The following ST14 variants were observed in gnomAD, a reference collection of about 807,000 sequenced individuals.
The protein encoded by ST14 is ST14 transmembrane serine protease matriptase.
ST14 carries 40 observed loss-of-function variants against 96.5 expected under a neutral mutation model. The ratio of observed to expected loss-of-function variants is 0.41; its 90% CI spans 0.32 to 0.54. ST14 has a LOEUF of 0.54. ST14 is among the 20% of genes least tolerant of loss of function. The probability of loss-of-function intolerance (pLI) is 0.17; values close to 1 mark genes in which losing one functional copy is unlikely to be tolerated. For synonymous variants in ST14, 506 were observed against 492.1 expected (o/e 1.03, Z -0.37); for missense variants, 1,066 against 1,188.9 (o/e 0.90, Z 1.52).
rs1953286447 is a variant in ST14 at position 130,190,565 on chromosome 11, G to A, written c.746G>A (p.Arg249Gln). The change falls in exon 7 of 19, where the codon CGG (arginine) becomes CAG (glutamine). Residue 249 changes from arginine to glutamine, a missense_variant. By Grantham distance (43) the Arg-to-Gln change is conservative. Coordinates refer to ENST00000278742, the MANE Select transcript of ST14 (RefSeq NM_021978.4). ...CATGCCCGCTGCCAGTGGGCCCTGC[G>A]GGGGGACGCCGACTCAGTGCTGAGC... ...PAHARCQWAL[R>Q]GDADSVLSLT... The A allele has an allele frequency of 3.7e-6, 6 of 1,612,256 alleles. No homozygotes were observed. Among genetic ancestry groups the A allele is most frequent in the Admixed American group, 1.7e-5 (1 of 59,988 alleles).
At chr11:130,184,375 A>G (rs1430072732) in intron 1 of ST14, among the ~76,000 whole-genome samples, 1 of 152,236 alleles carries the variant, frequency 6.6e-6, no homozygotes, top group Non-Finnish European at 1.5e-5. Context: ...ACGGGAGAGA[A>G]AAGATGACAG....
chr11:130,209,566 G>C lies in ST14; in HGVS notation c.2394G>C (p.Val798=). The part of the protein sequence containing the change: ...MMCVGFLSGG[V]DSCQGDSGGP... ...GCGTGGGCTTCCTCAGCGGCGGCGTGGACTCCTGCCAGGTGGCCCCCGGGG... is the reference window on the plus strand; with the variant it reads ...GCGTGGGCTTCCTCAGCGGCGGCGTCGACTCCTGCCAGGTGGCCCCCGGGG... The change falls in exon 18 of 19, where the codon GTG becomes GTC. Residue 798 remains valine (V), a synonymous_variant. Coordinates refer to ENST00000278742, the MANE Select transcript of ST14 (RefSeq NM_021978.4). 1 of 1,576,562 alleles carries C rather than the reference G, an allele frequency of 6.3e-7. No individual in the cohort carries two copies.
At chr11:130,178,362 G>A (rs950911795) in intron 1 of ST14, among the ~76,000 whole-genome samples, 1 of 91,228 alleles carries the variant, frequency 1.1e-5, no homozygotes, top group African/African-American at 2.6e-4. Flanking sequence ...AGTGAAGAGG[G>A]CATCTTGAGG....
At chr11:130,199,119 T>G in intron 15 of ST14, 50 bp downstream of exon 15, 1 of 1,585,458 alleles carries the variant, frequency 6.3e-7, no homozygotes, top group Non-Finnish European at 8.6e-7. Context: ...CTGTGTGAAG[T>G]GCCCACCAGA....
chr11:130,197,767 C>T lies in ST14; in HGVS notation c.1355-74C>T, dbSNP rs542636685. On this transcript the variant is annotated intron_variant, in intron 11 of 18. Transcript: ENST00000278742. ...TGTGTTTGTGGCTGGGAGGTTGGCC[C>T]GAGGGAGGGAGCCGGGAGCCAGCGG... The T allele has an allele frequency of 3.3e-4, 445 of 1,329,706 alleles. 3 individuals carry two copies. Among genetic ancestry groups the T allele is most frequent in the African/African-American group, 9.7e-4 (67 of 69,298 alleles). 82.4% of individuals were successfully genotyped at this position (1,329,706 alleles called of 1,614,324 possible). A position where few individuals can be genotyped will look rare whatever the true frequency, so the allele number is the denominator to read the frequency against.
intron 7 of ST14, among the ~76,000 whole-genome samples, chr11:130,190,937 A>AGCCTGTGCG (rs1953291494): frequency 6.6e-6 from 1 of 152,256 alleles, no homozygotes; most frequent in Non-Finnish European, 1.5e-5. Context: ...TACCAAATCC[A>AGCCTGTGCG]GCCTGTGCGG....
intron 1 of ST14, among the ~76,000 whole-genome samples, chr11:130,163,837 C>G (rs533337553): frequency 6.6e-6 from 1 of 152,350 alleles, no homozygotes; most frequent in South Asian, 2.1e-4. Context: ...CTGCCTTCGC[C>G]TGCTAGCAGT....
At chr11:130,199,250 C>G (rs73034674) in intron 15 of ST14, among the ~76,000 whole-genome samples, 181 bp downstream of exon 15, 1 of 152,342 alleles carries the variant, frequency 6.6e-6, no homozygotes. Context: ...CACCACCCCA[C>G]GGGCTGGCTC....
chr11:130,187,800 C>T lies in ST14; in HGVS notation c.82-314C>T, dbSNP rs1591886099. Among the ~76,000 whole-genome samples the T allele has an allele frequency of 2.0e-5, 3 of 152,294 alleles. No individual in the cohort carries two copies. Among genetic ancestry groups the T allele is most frequent in the South Asian group, 2.1e-4 (1 of 4,826 alleles). ...AAGGGGAGACCTGGATGACCGGGTT[C>T]GACAGCCCTTCATTGCGTTTTAATT... On this transcript the variant is annotated intron_variant, in intron 1 of 18. Coordinates refer to ENST00000278742, the MANE Select transcript of ST14 (RefSeq NM_021978.4). The surrounding 1 kb of genome is among the most constrained non-coding windows in gnomAD (Gnocchi z 4.5).
At chr11:130,189,157 C>T (rs1691259370) in intron 4 of ST14, among the ~76,000 whole-genome samples, 1 of 152,168 alleles carries the variant, frequency 6.6e-6, no homozygotes, top group African/African-American at 2.4e-5. Flanking sequence ...GATGAGCTGC[C>T]CAAAGGCCTG....
At chr11:130,168,905 A>C (rs553096491) in intron 1 of ST14, among the ~76,000 whole-genome samples, 4 of 152,206 alleles carry the variant, frequency 2.6e-5, no homozygotes, top group Non-Finnish European at 4.4e-5. Flanking sequence ...TAGCTTCTGC[A>C]GATCCCTGGG....
At chr11:130,178,223 G>A (rs548054938) in intron 1 of ST14, among the ~76,000 whole-genome samples, 3 of 152,324 alleles carry the variant, frequency 2.0e-5, no homozygotes, top group East Asian at 3.9e-4. Flanking sequence ...GAAGAGCCAC[G>A]AAGATAAAAA....
intron 1 of ST14, among the ~76,000 whole-genome samples, chr11:130,179,332 C>T (rs991828089): frequency 6.6e-6 from 1 of 152,166 alleles, no homozygotes; most frequent in Non-Finnish European, 1.5e-5. Flanking sequence ...CTGGGGGTTG[C>T]GATCAATGGG....
chr11:130,202,610 G>T (rs1953441003), intron 16 of ST14, among the ~76,000 whole-genome samples: 1 of 152,192 alleles, frequency 6.6e-6, no homozygotes, highest in African/African-American at 2.4e-5. Flanking sequence ...GTGTGCAGAG[G>T]CAGGGAGGTG....
chr11:130,187,794 C>T lies in ST14; in HGVS notation c.82-320C>T, dbSNP rs73585198. Among the ~76,000 whole-genome samples, 1,268 of 152,274 alleles carry T rather than the reference C, an allele frequency of 8.3e-3. 13 individuals carry two copies. The highest frequency in any genetic ancestry group is 0.028 in the African/African-American group (1,149 of 41,548). On this transcript the variant is annotated intron_variant, in intron 1 of 18. Transcript: ENST00000278742. The surrounding 1 kb of genome is among the most constrained non-coding windows in gnomAD (Gnocchi z 4.5). ...TCACTGAAGGGGAGACCTGGATGAC[C>T]GGGTTCGACAGCCCTTCATTGCGTT...
intron 1 of ST14, among the ~76,000 whole-genome samples, chr11:130,177,227 G>A (rs1320274873): frequency 6.6e-6 from 1 of 152,052 alleles, no homozygotes; most frequent in Non-Finnish European, 1.5e-5. Context: ...GGATGAGTAG[G>A]GGTTATGCAA....
chr11:130,189,790 C>T lies in ST14; in HGVS notation c.492C>T (p.His164=), dbSNP rs142848651. ...YYWSEFSIPQ[H]LVEEAERVMA... ...GGTCTGAGTTCAGCATCCCGCAGCA[C>T]CTGGTGGAGGAGGCCGAGCGCGTCA... Residue 164 remains histidine, a synonymous_variant, in exon 5 of 19, where the codon CAC becomes CAT. Transcript: ENST00000278742. 7.6e-5 allele frequency: 122 copies of T among 1,613,832 alleles called. 1 individual carries two copies. The Middle Eastern group carries it at 1.6e-3, about 22-fold the overall frequency.
chr11:130,188,488 G>A lies in ST14; in HGVS notation c.242-42G>A, dbSNP rs754001699. On this transcript the variant is annotated intron_variant, in intron 2 of 18. Coordinates refer to ENST00000278742, the MANE Select transcript of ST14 (RefSeq NM_021978.4). This position sits in a 1 kb window ranked among gnomAD's most constrained non-coding sequence, Gnocchi z 5.4. Reference sequence around the variant, plus strand: ...TGGACGGCGAGGGACAGGCGGGGGTGGTACCACCTCCCCTGACTGAGCGCC... The same window carrying A: ...TGGACGGCGAGGGACAGGCGGGGGTAGTACCACCTCCCCTGACTGAGCGCC... 1.9e-6 allele frequency: 3 copies of A among 1,609,716 alleles called. No individual in the cohort carries two copies. Among genetic ancestry groups the A allele is most frequent in the Non-Finnish European group, 8.5e-7 (1 of 1,179,800 alleles).
Position 130,209,961 on chromosome 11 carries a change from C to T in ST14, c.*138C>T. On this transcript the variant is annotated 3_prime_UTR_variant, in exon 19 of 19. Coordinates refer to ENST00000278742, the MANE Select transcript of ST14 (RefSeq NM_021978.4). ...TACACTGTGAACTCAATCTCCAGGG[C>T]TCCAAATCTGCCTAGAAAACCTCTC... is the stretch of plus-strand genomic sequence containing the variant. The T allele has an allele frequency of 1.8e-6, 2 of 1,089,790 alleles. No homozygotes were observed. The highest frequency in any genetic ancestry group is 1.3e-6 in the Non-Finnish European group (1 of 771,116). 67.5% of individuals were successfully genotyped at this position (1,089,790 alleles called of 1,614,324 possible). A position where few individuals can be genotyped will look rare whatever the true frequency, so the allele number is the denominator to read the frequency against.
Sources: allele counts gnomAD v4.1 joint callset (sites outside exome capture counted in the v4.1 genomes callset), GRCh38; gene constraint gnomAD v4.1.1; non-coding constraint Gnocchi (gnomAD v3.1); transcripts MANE v1.5; gene names NCBI Gene and HGNC (gene_info 2026-07-23, HGNC 2026-07-21).